TENM3: variants seen among roughly 807,000 people sequenced by gnomAD.
TENM3 encodes teneurin-3.
A neutral mutation model predicts 255.1 loss-of-function variants in TENM3; 63 were observed. The observed-to-expected ratio is 0.25, with a 90% CI of 0.20 to 0.30. TENM3 has a LOEUF of 0.30. Among genes scored for constraint, TENM3 ranks in the 10% least tolerant of loss-of-function variants. TENM3 has a pLI of 1.00. For missense variants in TENM3, 2,929 were observed against 3,461.1 expected (o/e 0.85, Z 3.86); for synonymous variants, 1,306 against 1,322.3 (o/e 0.99, Z 0.27).
the TENM3 span, among the ~76,000 whole-genome samples, chr4:181,471,030 C>T: frequency 2.6e-5 from 4 of 152,016 alleles, no homozygotes; most frequent in South Asian, 2.1e-4. Context: ...AGGCCCCCAT[C>T]GGCACTGACT....
chr4:181,515,175 G>C, the TENM3 span, among the ~76,000 whole-genome samples: 2 of 152,148 alleles, frequency 1.3e-5, no homozygotes, highest in African/African-American at 4.8e-5. Context: ...AAAAATTTTA[G>C]TTTGTGCAAA....
intron 3 of TENM3, among the ~76,000 whole-genome samples, chr4:182,431,884 C>A (rs1463550543): frequency 6.6e-6 from 1 of 151,904 alleles, no homozygotes; most frequent in African/African-American, 2.4e-5. Context: ...TGAGACCAGT[C>A]TGGGCAACAT....
At chr4:182,590,557 A>G (rs1442738319) in intron 3 of TENM3, among the ~76,000 whole-genome samples, 9 of 150,608 alleles carry the variant, frequency 6.0e-5, no homozygotes, top group East Asian at 2.0e-4. Flanking sequence ...AAAAAAAAAA[A>G]AAAAGAAAAA....
the TENM3 span, among the ~76,000 whole-genome samples, chr4:181,644,292 G>T: frequency 1.3e-5 from 2 of 151,992 alleles, no homozygotes; most frequent in Non-Finnish European, 1.5e-5. Flanking sequence ...TTCTCAAGAT[G>T]CACCAGGTCA....
chr4:181,487,824 C>T, the TENM3 span, among the ~76,000 whole-genome samples: 2,626 of 151,940 alleles, frequency 0.017, 41 homozygotes, highest in Middle Eastern at 0.031. Context: ...GCAGGGTGTG[C>T]GGGAAAAAGA....
At chr4:182,028,251 T>A in the TENM3 span, among the ~76,000 whole-genome samples, 3 of 152,204 alleles carry the variant, frequency 2.0e-5, no homozygotes, top group African/African-American at 7.2e-5. Flanking sequence ...TCCAGTTTAT[T>A]GGTATATACT....
chr4:182,086,027 G>A, the TENM3 span, among the ~76,000 whole-genome samples: 3 of 152,140 alleles, frequency 2.0e-5, no homozygotes, highest in Non-Finnish European at 4.4e-5. Flanking sequence ...GGCATAAGAA[G>A]TCCGTAAATA....
chr4:182,288,138 G>T (rs1345328118), intron 1 of TENM3, among the ~76,000 whole-genome samples: 1 of 150,968 alleles, frequency 6.6e-6, no homozygotes, highest in Non-Finnish European at 1.5e-5. Context: ...ATTTCTCCGT[G>T]TTGGTCAGGC....
the TENM3 span, among the ~76,000 whole-genome samples, chr4:181,664,831 C>T: frequency 1.3e-5 from 2 of 152,192 alleles, no homozygotes; most frequent in Non-Finnish European, 2.9e-5. Context: ...CTCATGCTCT[C>T]CTGGAAGAAC....
chr4:182,095,191 A>G, the TENM3 span, among the ~76,000 whole-genome samples: 1 of 152,204 alleles, frequency 6.6e-6, no homozygotes, highest in African/African-American at 2.4e-5. Context: ...ATCCAAAAGA[A>G]AGGAAATCAG....
intron 13 of TENM3, among the ~76,000 whole-genome samples, chr4:182,716,850 T>C (rs554372574): frequency 6.6e-6 from 1 of 152,332 alleles, no homozygotes; most frequent in South Asian, 2.1e-4. Flanking sequence ...TAAGTTTAGT[T>C]ATCAAAATGG....
intron 24 of TENM3, among the ~76,000 whole-genome samples, chr4:182,775,728 T>A (rs147952024): frequency 0.011 from 1,688 of 152,260 alleles, 13 homozygotes; most frequent in Non-Finnish European, 0.018. Context: ...CACAAAGACA[T>A]GGATGACAGC....
In TENM3 at chr4:182,628,633, T is replaced by G; in HGVS notation, c.750-18T>G. On this transcript the variant is annotated intron_variant, in intron 4 of 27. Transcript: ENST00000511685. ...GTAACATATTTGTATCTTATAATGATATTCTCCTTTTCCACAGGCATTTCC... is the reference window on the plus strand; with the variant it reads ...GTAACATATTTGTATCTTATAATGAGATTCTCCTTTTCCACAGGCATTTCC... 1 of 1,442,502 alleles carries G rather than the reference T, an allele frequency of 6.9e-7. No homozygotes were observed. Among genetic ancestry groups the G allele is most frequent in the Non-Finnish European group, 9.6e-7 (1 of 1,044,530 alleles). 89.4% of individuals were successfully genotyped at this position (1,442,502 alleles called of 1,614,324 possible). A position where few individuals can be genotyped will look rare whatever the true frequency, so the allele number is the denominator to read the frequency against.
In TENM3 at chr4:182,224,075, C is replaced by T. The variant is rs557988889; in HGVS notation, c.-76+79321C>T. ...TTATGTACCCCACAATATATATTAT[C>T]GAATCATAAATCAAACTGCTTTCTA... On this transcript the variant is annotated intron_variant, in intron 1 of 2. Transcript: ENST00000512480. Among the ~76,000 whole-genome samples the T allele has an allele frequency of 2.0e-5, 3 of 152,224 alleles. No individual in the cohort carries two copies. In the South Asian group the frequency reaches 6.2e-4, roughly 32 times the overall value.
the TENM3 span, among the ~76,000 whole-genome samples, chr4:181,997,531 C>T: frequency 6.6e-6 from 1 of 152,110 alleles, no homozygotes; most frequent in Non-Finnish European, 1.5e-5. Context: ...TATTGCATTT[C>T]ATGAAAGGCC....
the TENM3 span, among the ~76,000 whole-genome samples, chr4:181,817,656 C>T: frequency 5.3e-5 from 8 of 152,102 alleles, no homozygotes; most frequent in Non-Finnish European, 7.3e-5. Flanking sequence ...TGGTATTAGA[C>T]GCGCTTATAA....
the TENM3 span, among the ~76,000 whole-genome samples, chr4:181,743,873 T>C: frequency 6.6e-6 from 1 of 151,982 alleles, no homozygotes; most frequent in African/African-American, 2.4e-5. Flanking sequence ...GTTATATAGG[T>C]AAAAGTGTGC....
chr4:182,740,001 A>G (rs893706919), intron 18 of TENM3, among the ~76,000 whole-genome samples: 1 of 152,182 alleles, frequency 6.6e-6, no homozygotes, highest in African/African-American at 2.4e-5. Flanking sequence ...GTGCCACTGC[A>G]CTCCAGCCTG....
At chr4:182,426,528 T>C (rs181674047) in intron 3 of TENM3, among the ~76,000 whole-genome samples, 7 of 152,322 alleles carry the variant, frequency 4.6e-5, no homozygotes, top group African/African-American at 1.7e-4. Flanking sequence ...CTTGATTTTC[T>C]TTTCAAATGA....
Sources: allele counts gnomAD v4.1 joint callset (sites outside exome capture counted in the v4.1 genomes callset), GRCh38; gene constraint gnomAD v4.1.1; transcripts MANE v1.5; gene names NCBI Gene and HGNC (gene_info 2026-07-23, HGNC 2026-07-21).